The following PPFIA1 variants were observed in gnomAD, a reference collection of about 807,000 sequenced individuals.
PPFIA1 encodes the protein liprin-alpha-1.
PPFIA1 carries 25 observed loss-of-function variants against 149.9 expected under a neutral mutation model. The ratio of observed to expected loss-of-function variants is 0.17; its 90% confidence interval spans 0.12 to 0.23. PPFIA1 has a LOEUF of 0.23. Among genes scored for constraint, PPFIA1 ranks in the 10% least tolerant of loss-of-function variants. The pLI, the probability that PPFIA1 is intolerant of heterozygous loss-of-function variation, is 1.00. For missense variants in PPFIA1, 1,362 were observed against 1,506.5 expected (o/e 0.90, Z 1.59); for synonymous variants, 549 against 552.8 (o/e 0.99, Z 0.10).
In PPFIA1 at chr11:70,372,465, T is replaced by C; in HGVS notation, c.3042-12T>C. On this transcript the variant is annotated splice_polypyrimidine_tract_variant and intron_variant, in intron 22 of 27. Transcript: ENST00000253925. The stretch of plus-strand genomic sequence containing the variant: ...TACCATCTCTAAATCATCTCTCTTT[T>C]CTTCCAAATAGAAACAGTTTCCAGT... 2 of 1,613,296 alleles carry C rather than the reference T, an allele frequency of 1.2e-6. No individual in the cohort carries two copies. The highest frequency in any genetic ancestry group is 1.7e-6 in the Non-Finnish European group (2 of 1,179,262).
At chr11:70,291,559 T>C (rs751366325) in intron 2 of PPFIA1, among the ~76,000 whole-genome samples, 47 of 152,264 alleles carry the variant, frequency 3.1e-4, no homozygotes, top group Non-Finnish European at 4.7e-4. Flanking sequence ...AGACAGGCAT[T>C]GTGCTCTTTG....
chr11:70,310,616 C>T (rs1002935795), intron 2 of PPFIA1, among the ~76,000 whole-genome samples: 6 of 152,116 alleles, frequency 3.9e-5, no homozygotes, highest in Non-Finnish European at 7.3e-5. Context: ...CATCTCTTGA[C>T]CCCGTGATCC....
At chr11:70,331,308 C>T (rs1360060019) in intron 8 of PPFIA1, among the ~76,000 whole-genome samples, 1 of 151,712 alleles carries the variant, frequency 6.6e-6, no homozygotes, top group African/African-American at 2.4e-5. Flanking sequence ...CATACTTATT[C>T]TTGTAATTAC....
chr11:70,365,131 T>C (rs146134119), intron 21 of PPFIA1: 179 of 193,674 alleles, frequency 9.2e-4, no homozygotes, highest in African/African-American at 4.0e-3. Flanking sequence ...ATATTTCACA[T>C]ACCTCGGGTA....
rs144757736 is a variant in PPFIA1, at chr11:70,276,594, A to T, written c.264+4158A>T. ...TCTACTCCCTAGAAGAGTTCCTACG[A>T]AATTTGTGTTTTCTTCCTTAAATGT... On this transcript the variant is annotated intron_variant, in intron 2 of 27. Coordinates refer to ENST00000253925, the MANE Select transcript of PPFIA1 (RefSeq NM_003626.5). 2.9e-3 allele frequency among the ~76,000 whole-genome samples: 438 copies of T among 152,252 alleles called. 4 individuals are homozygous for T. The highest frequency in any genetic ancestry group is 9.9e-3 in the African/African-American group (412 of 41,540).
chr11:70,328,214 C>T (rs1363544151), intron 7 of PPFIA1, among the ~76,000 whole-genome samples: 1 of 152,088 alleles, frequency 6.6e-6, no homozygotes, highest in African/African-American at 2.4e-5. Flanking sequence ...TCCTGATCCT[C>T]TTCTTCCTCC....
chr11:70,313,515 G>C (rs2053416620), intron 2 of PPFIA1, among the ~76,000 whole-genome samples: 1 of 152,174 alleles, frequency 6.6e-6, no homozygotes, highest in Non-Finnish European at 1.5e-5. Flanking sequence ...CAGTGGCTTG[G>C]ATAAAGGAAG....
rs1169055839 is a variant in PPFIA1, at chr11:70,346,267, G to A, written c.1932-1922G>A. On this transcript the variant is annotated intron_variant, in intron 15 of 27. Coordinates refer to ENST00000253925, the MANE Select transcript of PPFIA1 (RefSeq NM_003626.5). ...TGGCTAGCCTGAATCCAAGGGAGGA[G>A]CAGGTGTGTGTGTGGAGTCCTGCAG... 2.0e-5 allele frequency among the ~76,000 whole-genome samples: 3 copies of A among 152,140 alleles called. No individual in the cohort carries two copies. In the East Asian group the frequency reaches 5.8e-4, roughly 29 times the overall value.
At position 70,325,926 on chromosome 11, in the gene PPFIA1, C is replaced by T. The variant is rs1247017132; in HGVS notation, c.607-336C>T. On this transcript the variant is annotated intron_variant, in intron 5 of 27. Transcript: ENST00000253925. The stretch of plus-strand genomic sequence containing the variant: ...CCAGCCTGGGTGACAGAGCAAGACT[C>T]TGTCTCCAAAAAAAAAAAAAAAAAG... Among the ~76,000 whole-genome samples the T allele has an allele frequency of 1.6e-4, 21 of 127,844 alleles. No homozygotes were observed. The Admixed American group carries it at 1.7e-3, about 11-fold the overall frequency. 83.9% of individuals were successfully genotyped at this position (127,844 alleles called of 152,430 possible). A position where few individuals can be genotyped will look rare whatever the true frequency, so the allele number is the denominator to read the frequency against.
intron 14 of PPFIA1, among the ~76,000 whole-genome samples, chr11:70,342,892 G>T (rs541400592): frequency 6.9e-6 from 1 of 145,274 alleles, no homozygotes; most frequent in African/African-American, 2.6e-5. Context: ...TTTACACTAG[G>T]AACATTCAAG....
At chr11:70,333,589 G>T (rs758943794) in intron 10 of PPFIA1, 36 bp downstream of exon 10, 23 of 1,542,358 alleles carry the variant, frequency 1.5e-5, no homozygotes, top group Non-Finnish European at 2.0e-5. Flanking sequence ...GGCGCTGAGT[G>T]GGTGCTGCAA....
intron 2 of PPFIA1, among the ~76,000 whole-genome samples, chr11:70,300,035 G>GCCA (rs2136330169): frequency 1.5e-5 from 2 of 135,298 alleles, no homozygotes; most frequent in East Asian, 4.2e-4. Context: ...ATCAGTGCCA[G>GCCA]CCATGCCCTC....
At chr11:70,279,172 T>C (rs1449004512) in intron 2 of PPFIA1, 2 of 473,114 alleles carry the variant, frequency 4.2e-6, no homozygotes, top group Admixed American at 3.0e-5. Flanking sequence ...CGTCCAGGAC[T>C]GATTGTCCTA....
intron 24 of PPFIA1, 93 bp from the exon 25 acceptor site, chr11:70,376,439 G>A (rs1234193718): frequency 7.8e-6 from 10 of 1,276,590 alleles, no homozygotes. Flanking sequence ...CAGTGAGGGA[G>A]TTTAAGTCTT....
rs2057788012 is a variant in PPFIA1, at chr11:70,383,709, G to A, written c.*719G>A. The A allele has an allele frequency of 6.6e-6, 1 of 152,514 alleles. No homozygotes were observed. The highest frequency in any genetic ancestry group is 2.1e-4 in the South Asian group (1 of 4,842). 9.4% of individuals were successfully genotyped at this position (152,514 alleles called of 1,614,324 possible). ...CACTGGTTAACGCTTTCCTAGCCTA[G>A]TCTCTGGATTTGGGGAGCTTGTCTT... On this transcript the variant is annotated 3_prime_UTR_variant, in exon 28 of 28. Transcript: ENST00000253925.
At chr11:70,309,619 A>T (rs2053121277) in intron 2 of PPFIA1, among the ~76,000 whole-genome samples, 1 of 152,116 alleles carries the variant, frequency 6.6e-6, no homozygotes, top group African/African-American at 2.4e-5. Context: ...CCATGAAAAA[A>T]TCCCAGTTTT....
intron 2 of PPFIA1, among the ~76,000 whole-genome samples, chr11:70,316,790 T>C (rs1452699484): frequency 6.6e-6 from 1 of 152,260 alleles, no homozygotes; most frequent in Non-Finnish European, 1.5e-5. Context: ...GCAATAAATG[T>C]CACATCTGAT....
chr11:70,362,124 A>G lies in PPFIA1; in HGVS notation c.2612A>G (p.Gln871Arg). 2 of 1,614,150 alleles carry G rather than the reference A, an allele frequency of 1.2e-6. No individual in the cohort carries two copies. The highest frequency in any genetic ancestry group is 1.7e-6 in the Non-Finnish European group (2 of 1,180,026). Residue 871 changes from glutamine to arginine, a missense_variant, in exon 20 of 28, where the codon CAA (glutamine) becomes CGA (arginine). Around this residue, in one of 7 missense-constraint regions of PPFIA1, gnomAD observed 91 missense variants for 91.2 expected, o/e 1.00. Coordinates refer to ENST00000253925, the MANE Select transcript of PPFIA1 (RefSeq NM_003626.5). ...KHELLEEARR[Q>R]GLPFAQWDGP... ...GAATTGCTGGAGGAAGCCCGGAGACAAGGTTTACCTTTTGCCCAATGGGAC... is the reference window on the plus strand; with the variant it reads ...GAATTGCTGGAGGAAGCCCGGAGACGAGGTTTACCTTTTGCCCAATGGGAC...
intron 2 of PPFIA1, among the ~76,000 whole-genome samples, chr11:70,314,388 C>T (rs902504745): frequency 2.1e-4 from 32 of 152,138 alleles, no homozygotes; most frequent in Non-Finnish European, 7.3e-5. Flanking sequence ...GAACAAGTTA[C>T]GTGTCCATGT....
Sources: allele counts gnomAD v4.1 joint callset (sites outside exome capture counted in the v4.1 genomes callset), GRCh38; gene constraint gnomAD v4.1.1; regional missense constraint gnomAD v4.1.1; transcripts MANE v1.5; gene names NCBI Gene and HGNC (gene_info 2026-07-23, HGNC 2026-07-21).